ZNF565: variants seen among roughly 807,000 people sequenced by gnomAD.
The protein encoded by ZNF565 is zinc finger protein 565.
Under a neutral mutation model 39.4 loss-of-function variants are expected in ZNF565, and 27 were observed. The ratio of observed to expected loss-of-function variants is 0.69; its 90% CI spans 0.51 to 0.95. ZNF565 has a LOEUF of 0.95. Ranked by LOEUF, ZNF565 falls within the 40% of genes least tolerant of loss-of-function variation. The pLI is 0.00. For synonymous variants in ZNF565, 185 were observed against 216.6 expected (o/e 0.85, Z 1.28); for missense variants, 524 against 621.1 (o/e 0.84, Z 1.66).
chr19:36,182,859 C>T lies in ZNF565; in HGVS notation c.1107G>A (p.Gly369=), dbSNP rs771779231. ...GEKPYECKEC[G]KAFRQHAQLT... Reference sequence around the variant, plus strand: ...GCTGTGCGTGCTGTCTGAAGGCCTTCCCACATTCCTTACACTCATAGGGTT... The same window carrying T: ...GCTGTGCGTGCTGTCTGAAGGCCTTTCCACATTCCTTACACTCATAGGGTT... Residue 369 remains glycine, a synonymous_variant, in exon 5 of 5, where the codon GGG becomes GGA. Transcript: ENST00000304116. The T allele has an allele frequency of 1.2e-6, 2 of 1,614,120 alleles. No individual in the cohort carries two copies. The highest frequency in any genetic ancestry group is 1.7e-6 in the Non-Finnish European group (2 of 1,180,032).
chr19:36,228,457 A>G (rs892023020), intron 1 of ZNF565: 1 of 152,238 alleles, frequency 6.6e-6, no homozygotes, highest in Non-Finnish European at 1.5e-5. Context: ...TGTAAGTAAA[A>G]TTCTGAAAGG....
intron 1 of ZNF565, among the ~76,000 whole-genome samples, chr19:36,233,945 T>G (rs1198789073): frequency 6.8e-6 from 1 of 147,256 alleles, no homozygotes. Context: ...GTCAGGTCTT[T>G]CCCTTCCCGC....
At position 36,245,874 on chromosome 19, in the gene ZNF565, G is replaced by A; in HGVS notation, c.-344C>T. On this transcript the variant is annotated 5_prime_UTR_variant, in exon 1 of 5. Coordinates refer to the ZNF565 transcript ENST00000355114. The surrounding 1 kb of genome is among the most constrained non-coding windows in gnomAD (Gnocchi z 4.4). Reference sequence around the variant, plus strand: ...GTCTCGGTTTGGGTGCGGGGCCTTGGCTCAGGCGGAACCCGACCGGGATCG... The same window carrying A: ...GTCTCGGTTTGGGTGCGGGGCCTTGACTCAGGCGGAACCCGACCGGGATCG... 3.5e-6 allele frequency: 1 copy of A among 285,862 alleles called. No homozygotes were observed. Among genetic ancestry groups the A allele is most frequent in the Non-Finnish European group, 6.6e-6 (1 of 152,404 alleles). The allele number at this position is 285,862 out of a possible 1,614,324, so 17.7% of individuals were successfully genotyped here.
In ZNF565 at chr19:36,185,033, A is replaced by G. The variant is rs547240267; in HGVS notation, c.233-1300T>C. On this transcript the variant is annotated intron_variant, in intron 4 of 4. Transcript: ENST00000304116. ...CTTGGGAGACCGAGACACAAGAATC[A>G]CTTGAACCTAGGAGGCAGAGGTTGC... 6.4e-4 allele frequency among the ~76,000 whole-genome samples: 98 copies of G among 151,988 alleles called. 1 individual carries two copies. The South Asian group carries it at 7.7e-3, about 12-fold the overall frequency.
At chr19:36,219,874 C>CT (rs1264735433) in intron 1 of ZNF565, among the ~76,000 whole-genome samples, 4 of 152,162 alleles carry the variant, frequency 2.6e-5, no homozygotes, top group Non-Finnish European at 5.9e-5. Flanking sequence ...CTTAATTTCT[C>CT]TTGTCTTTTC....
intron 4 of ZNF565, among the ~76,000 whole-genome samples, chr19:36,190,991 C>CAA (rs58218863): frequency 9.8e-4 from 78 of 79,208 alleles, no homozygotes; most frequent in African/African-American, 1.4e-3. Flanking sequence ...GACTCTGTCT[C>CAA]AAAAAAAAAA....
chr19:36,198,089 C>T lies in ZNF565; in HGVS notation c.10-2933G>A, dbSNP rs184347149. Among the ~76,000 whole-genome samples, 210 of 151,216 alleles carry T rather than the reference C, an allele frequency of 1.4e-3. 1 individual carries two copies. The highest frequency in any genetic ancestry group is 4.6e-3 in the African/African-American group (188 of 41,290). On this transcript the variant is annotated intron_variant, in intron 2 of 4. Coordinates refer to ENST00000304116, the MANE Select transcript of ZNF565 (RefSeq NM_152477.5). ...GCTTGAACCCAGGAGGCAGAGGTTG[C>T]ACCACTGCCGGCATGGGCAACAAGA...
At chr19:36,184,544 C>A (rs919169808) in intron 4 of ZNF565, among the ~76,000 whole-genome samples, 2 of 151,954 alleles carry the variant, frequency 1.3e-5, no homozygotes, top group African/African-American at 2.4e-5. Context: ...GGATTACAGG[C>A]GTGAGCCACC....
intron 2 of ZNF565, among the ~76,000 whole-genome samples, chr19:36,196,879 G>A (rs764277843): frequency 3.3e-5 from 5 of 152,020 alleles, no homozygotes; most frequent in Non-Finnish European, 7.4e-5. Context: ...CCAACATGGC[G>A]AAATCCTGTC....
intron 1 of ZNF565, among the ~76,000 whole-genome samples, chr19:36,203,917 G>A (rs1976057937): frequency 6.6e-6 from 1 of 151,490 alleles, no homozygotes; most frequent in Non-Finnish European, 1.5e-5. Flanking sequence ...AGAGGTCCAA[G>A]AAGCTTCCTG....
At position 36,183,611 on chromosome 19, in the gene ZNF565, A is replaced by G; in HGVS notation, c.355T>C (p.Trp119Arg). Residue 119 changes from tryptophan to arginine, a missense_variant, in exon 5 of 5, where the codon TGG (tryptophan) becomes CGG (arginine). By Grantham distance (101) the Trp-to-Arg change is moderately radical. Coordinates refer to ENST00000304116, the MANE Select transcript of ZNF565 (RefSeq NM_152477.5). ...DLEGSDFRAD[W>R]ECEGQFERQV... is the part of the protein sequence containing the mutation. ...CTCTCAAACTGGCCTTCGCATTCCCAGTCAGCTCTAAAATCGGAGCCCTCC... is the reference window on the plus strand; with the variant it reads ...CTCTCAAACTGGCCTTCGCATTCCCGGTCAGCTCTAAAATCGGAGCCCTCC... 1 of 1,614,196 alleles carries G rather than the reference A, an allele frequency of 6.2e-7. No homozygotes were observed. Among genetic ancestry groups the G allele is most frequent in the Non-Finnish European group, 8.5e-7 (1 of 1,180,052 alleles).
In ZNF565 at chr19:36,210,750, G is replaced by A. The variant is rs956031769; in HGVS notation, c.-66+3872C>T. 2.0e-5 allele frequency among the ~76,000 whole-genome samples: 3 copies of A among 150,740 alleles called. No homozygotes were observed. The Admixed American group carries it at 2.0e-4, about 10-fold the overall frequency. On this transcript the variant is annotated intron_variant, in intron 1 of 4. Coordinates refer to ENST00000304116, the MANE Select transcript of ZNF565 (RefSeq NM_152477.5). ...AGCAATCCTCCCGCCTCAACCTCCC[G>A]AGTAGCTGGGACTACAGGTACTCGC...
At chr19:36,202,353 C>T (rs554225533) in intron 1 of ZNF565, among the ~76,000 whole-genome samples, 4 of 151,778 alleles carry the variant, frequency 2.6e-5, no homozygotes, top group South Asian at 2.1e-4. Context: ...GGCGACAGAG[C>T]GAGACTCGAT....
At chr19:36,213,306 G>C (rs546490499) in intron 1 of ZNF565, 8 of 152,426 alleles carry the variant, frequency 5.2e-5, no homozygotes, top group African/African-American at 1.7e-4. Context: ...GACCTCTCAA[G>C]CTCGAGATCC....
chr19:36,200,626 C>G (rs920631252), intron 2 of ZNF565, among the ~76,000 whole-genome samples: 4 of 150,880 alleles, frequency 2.7e-5, no homozygotes, highest in Non-Finnish European at 5.9e-5. Flanking sequence ...GTAGCTGGGA[C>G]TATAGACACC....
At chr19:36,208,991 T>G (rs1387032145) in intron 1 of ZNF565, among the ~76,000 whole-genome samples, 1 of 152,028 alleles carries the variant, frequency 6.6e-6, no homozygotes, top group Non-Finnish European at 1.5e-5. Flanking sequence ...CATCACCACG[T>G]CTGGCTAGTT....
intron 1 of ZNF565, among the ~76,000 whole-genome samples, chr19:36,209,279 C>G (rs1976265587): frequency 6.6e-6 from 1 of 152,040 alleles, no homozygotes; most frequent in African/African-American, 2.4e-5. Flanking sequence ...ACCTACAATC[C>G]CAGCACTTTG....
chr19:36,204,340 G>A (rs997257212), intron 1 of ZNF565, among the ~76,000 whole-genome samples: 2 of 152,216 alleles, frequency 1.3e-5, no homozygotes, highest in Non-Finnish European at 2.9e-5. Flanking sequence ...CCTCAGGGAA[G>A]TTTAATAGGC....
intron 2 of ZNF565, among the ~76,000 whole-genome samples, chr19:36,196,814 T>C (rs538019178): frequency 6.6e-6 from 1 of 151,800 alleles, no homozygotes; most frequent in Non-Finnish European, 1.5e-5. Flanking sequence ...TTCCAGCACT[T>C]TGGGAGGCTG....
Sources: allele counts gnomAD v4.1 joint callset (sites outside exome capture counted in the v4.1 genomes callset), GRCh38; gene constraint gnomAD v4.1.1; non-coding constraint Gnocchi (gnomAD v3.1); transcripts MANE v1.5; gene names NCBI Gene and HGNC (gene_info 2026-07-23, HGNC 2026-07-21).